KIAA1328: variants seen among roughly 807,000 people sequenced by gnomAD.
The protein encoded by KIAA1328 is KIAA1328.
Under a neutral mutation model 68.1 loss-of-function variants are expected in KIAA1328, and 52 were observed. The ratio of observed to expected loss-of-function variants is 0.76; its 90% confidence interval spans 0.61 to 0.96. The LOEUF is 0.96. Among genes scored for constraint, KIAA1328 ranks in the 40% least tolerant of loss-of-function variants. The probability of loss-of-function intolerance (pLI) is 0.00; values close to 1 mark genes in which losing one functional copy is unlikely to be tolerated. For synonymous variants in KIAA1328, 232 were observed against 239.4 expected (o/e 0.97, Z 0.28); for missense variants, 641 against 677.6 (o/e 0.95, Z 0.60).
chr18:37,030,595 T>A (rs1009201770), intron 6 of KIAA1328, among the ~76,000 whole-genome samples: 1 of 152,190 alleles, frequency 6.6e-6, no homozygotes, highest in African/African-American at 2.4e-5. Flanking sequence ...TTTTGGTAAA[T>A]CTTTAATCTG....
At chr18:36,914,735 T>TA (rs2049615497) in intron 5 of KIAA1328, among the ~76,000 whole-genome samples, 1 of 151,752 alleles carries the variant, frequency 6.6e-6, no homozygotes, top group South Asian at 2.1e-4. Context: ...AAAAGTTAGA[T>TA]AAAAAAATAT....
chr18:37,077,522 T>C (rs192695817), intron 7 of KIAA1328, among the ~76,000 whole-genome samples: 1 of 149,402 alleles, frequency 6.7e-6, no homozygotes, highest in East Asian at 2.0e-4. Flanking sequence ...GTATTCAATT[T>C]GGAAAAGAGG....
At chr18:36,896,013 C>G (rs1356538253) in intron 5 of KIAA1328, among the ~76,000 whole-genome samples, 5 of 152,154 alleles carry the variant, frequency 3.3e-5, no homozygotes, top group Admixed American at 6.5e-5. Flanking sequence ...GTTGTTTAAG[C>G]CTCCCAGTCT....
chr18:37,205,371 C>T (rs2060198048), intron 9 of KIAA1328, among the ~76,000 whole-genome samples: 1 of 152,180 alleles, frequency 6.6e-6, no homozygotes, highest in Admixed American at 6.5e-5. Flanking sequence ...TTCTCTGGGG[C>T]TGTCTCTAAG....
chr18:36,989,396 T>C (rs1262513339), intron 6 of KIAA1328, among the ~76,000 whole-genome samples: 1 of 152,224 alleles, frequency 6.6e-6, no homozygotes, highest in Non-Finnish European at 1.5e-5. Context: ...CTGCGTAAAC[T>C]TAGAGCTGTG....
intron 6 of KIAA1328, among the ~76,000 whole-genome samples, chr18:37,016,051 A>C (rs1450237382): frequency 1.3e-5 from 2 of 152,186 alleles, no homozygotes. Context: ...AAGAGTGGTA[A>C]GAGTGAGTAT....
At chr18:37,092,413 C>G (rs1031351137) in intron 7 of KIAA1328, among the ~76,000 whole-genome samples, 1 of 152,010 alleles carries the variant, frequency 6.6e-6, no homozygotes, top group South Asian at 2.1e-4. Context: ...ACATGTACCA[C>G]TGTGAGTCCT....
chr18:37,084,842 T>A (rs924351925), intron 7 of KIAA1328, among the ~76,000 whole-genome samples: 2 of 152,210 alleles, frequency 1.3e-5, no homozygotes, highest in South Asian at 4.1e-4. Flanking sequence ...ATTGCCAAAC[T>A]GTTTTGTGTG....
At chr18:36,931,437 G>T (rs1246628644) in intron 5 of KIAA1328, among the ~76,000 whole-genome samples, 1 of 152,032 alleles carries the variant, frequency 6.6e-6, no homozygotes, top group Non-Finnish European at 1.5e-5. Flanking sequence ...ACTAATGCCT[G>T]ATGATCTGAG....
At chr18:37,068,449 A>G (rs1568362981) in intron 7 of KIAA1328, among the ~76,000 whole-genome samples, 1 of 152,228 alleles carries the variant, frequency 6.6e-6, no homozygotes, top group Non-Finnish European at 1.5e-5. Flanking sequence ...TTATTATTAT[A>G]TAATGTTTCT....
chr18:37,119,578 C>A (rs917134644), intron 7 of KIAA1328, among the ~76,000 whole-genome samples: 19 of 152,054 alleles, frequency 1.2e-4, no homozygotes, highest in Non-Finnish European at 2.6e-4. Flanking sequence ...GAGCACTAAT[C>A]CTGCCACCAC....
At chr18:36,882,339 A>G (rs1460826260) in intron 4 of KIAA1328, among the ~76,000 whole-genome samples, 2 of 152,128 alleles carry the variant, frequency 1.3e-5, no homozygotes, top group Non-Finnish European at 2.9e-5. Flanking sequence ...ATGATACCCA[A>G]TATTTTCTTG....
At chr18:37,085,943 TCTA>T (rs1220419956) in intron 7 of KIAA1328, among the ~76,000 whole-genome samples, 1 of 152,220 alleles carries the variant, frequency 6.6e-6, no homozygotes, top group East Asian at 1.9e-4. Context: ...AGCTGAACTA[TCTA>T]CTATTCTTAA....
At chr18:37,027,789 A>G (rs1335693017) in intron 6 of KIAA1328, among the ~76,000 whole-genome samples, 2 of 152,098 alleles carry the variant, frequency 1.3e-5, no homozygotes, top group Non-Finnish European at 2.9e-5. Flanking sequence ...AGGCAATACC[A>G]TTCAGGACAT....
intron 5 of KIAA1328, among the ~76,000 whole-genome samples, chr18:36,945,249 T>C (rs1467686736): frequency 6.6e-6 from 1 of 152,204 alleles, no homozygotes; most frequent in Non-Finnish European, 1.5e-5. Flanking sequence ...ACAAAAAATC[T>C]GGTTCTTTAC....
At chr18:37,128,604 A>G (rs891475728) in intron 7 of KIAA1328, among the ~76,000 whole-genome samples, 4 of 152,222 alleles carry the variant, frequency 2.6e-5, no homozygotes, top group Non-Finnish European at 4.4e-5. Context: ...GGAAGTTTTA[A>G]TCAAATAAAA....
chr18:36,950,800 T>C (rs1457368582), intron 5 of KIAA1328, among the ~76,000 whole-genome samples: 1 of 152,230 alleles, frequency 6.6e-6, no homozygotes, highest in Admixed American at 6.5e-5. Context: ...TGCTTTACAG[T>C]TGGAGCCAGA....
chr18:37,159,152 G>A (rs1209332552), intron 7 of KIAA1328, among the ~76,000 whole-genome samples: 2 of 151,954 alleles, frequency 1.3e-5, no homozygotes, highest in African/African-American at 4.8e-5. Flanking sequence ...TGAACATAAA[G>A]CCATTTACTT....
intron 4 of KIAA1328, among the ~76,000 whole-genome samples, chr18:36,868,534 G>A (rs768457709): frequency 3.3e-5 from 5 of 152,124 alleles, no homozygotes; most frequent in Non-Finnish European, 5.9e-5. Context: ...TTTTGTTACT[G>A]AGACTTTTTA....
Sources: allele counts gnomAD v4.1 joint callset (sites outside exome capture counted in the v4.1 genomes callset), GRCh38; gene constraint gnomAD v4.1.1; transcripts MANE v1.5; gene names NCBI Gene and HGNC (gene_info 2026-07-23, HGNC 2026-07-21).